PLA2G4A: variants seen among roughly 807,000 people sequenced by gnomAD.
The protein encoded by PLA2G4A is cytosolic phospholipase A2.
PLA2G4A carries 40 observed loss-of-function variants against 81.9 expected under a neutral mutation model. The observed-to-expected ratio is 0.49, with a 90% confidence interval of 0.38 to 0.64. The LOEUF (loss-of-function observed/expected upper bound fraction) is 0.64. Among genes scored for constraint, PLA2G4A ranks in the 30% least tolerant of loss-of-function variants. The pLI is 0.00. For synonymous variants in PLA2G4A, 302 were observed against 296.9 expected (o/e 1.02, Z -0.18); for missense variants, 715 against 905.1 (o/e 0.79, Z 2.69).
chr1:186,884,892 C>A (rs79814399), intron 3 of PLA2G4A, among the ~76,000 whole-genome samples: 14 of 133,754 alleles, frequency 1.0e-4, no homozygotes, highest in Non-Finnish European at 9.6e-5. Flanking sequence ...ATCCTGTCTT[C>A]AAAAAAAAAA....
chr1:186,862,372 G>A (rs1254393947), intron 2 of PLA2G4A, among the ~76,000 whole-genome samples: 4 of 151,840 alleles, frequency 2.6e-5, no homozygotes, highest in East Asian at 1.9e-4. Context: ...GGGCTACCAC[G>A]CTCAGCTACT....
chr1:186,860,292 C>T (rs957156249), intron 2 of PLA2G4A, among the ~76,000 whole-genome samples: 9 of 152,080 alleles, frequency 5.9e-5, no homozygotes, highest in Non-Finnish European at 1.0e-4. Flanking sequence ...AGCAGTCCTA[C>T]GATCTGCCAT....
intron 8 of PLA2G4A, 26 bp downstream of exon 8, chr1:186,932,925 T>C: frequency 6.5e-7 from 1 of 1,535,362 alleles, no homozygotes; most frequent in Non-Finnish European, 9.0e-7. Context: ...TAATTTTAGT[T>C]TTATAACTTT....
At chr1:186,840,883 C>T (rs1464241815) in intron 1 of PLA2G4A, among the ~76,000 whole-genome samples, 1 of 152,170 alleles carries the variant, frequency 6.6e-6, no homozygotes, top group Admixed American at 6.5e-5. Context: ...CTCAACAAAA[C>T]ACAAATACTA....
intron 2 of PLA2G4A, among the ~76,000 whole-genome samples, chr1:186,860,740 C>A (rs1391208664): frequency 4.6e-5 from 7 of 152,176 alleles, no homozygotes; most frequent in Non-Finnish European, 7.3e-5. Context: ...GGCAAAAGTG[C>A]ACTAATTCAA....
At chr1:186,926,256 C>G (rs781325536) in intron 7 of PLA2G4A, among the ~76,000 whole-genome samples, 17 of 152,126 alleles carry the variant, frequency 1.1e-4, no homozygotes, top group Non-Finnish European at 1.8e-4. Flanking sequence ...CATGTTCATA[C>G]GAATGACAGT....
intron 7 of PLA2G4A, among the ~76,000 whole-genome samples, chr1:186,920,340 C>T (rs185903487): frequency 2.0e-5 from 3 of 152,302 alleles, no homozygotes; most frequent in African/African-American, 4.8e-5. Context: ...GTCCCCCCAC[C>T]GAGCAGGTCC....
chr1:186,985,746 G>A (rs998374844), intron 17 of PLA2G4A, among the ~76,000 whole-genome samples: 3 of 152,108 alleles, frequency 2.0e-5, no homozygotes, highest in Non-Finnish European at 4.4e-5. Flanking sequence ...CATGGGATAG[G>A]TGGTGAGGCT....
chr1:186,934,443 CATATATAT>C (rs71571011), intron 8 of PLA2G4A, among the ~76,000 whole-genome samples: 6 of 99,564 alleles, frequency 6.0e-5, no homozygotes, highest in African/African-American at 1.4e-4. Flanking sequence ...TAAATGTGCA[CATATATAT>C]ATATATATAT....
At chr1:186,949,307 AAGAG>A (rs945662305) in intron 12 of PLA2G4A, among the ~76,000 whole-genome samples, 18 of 150,076 alleles carry the variant, frequency 1.2e-4, no homozygotes, top group African/African-American at 4.2e-4. Flanking sequence ...AAAAGAAAGA[AAGAG>A]AAAGAAGGAA....
intron 2 of PLA2G4A, among the ~76,000 whole-genome samples, chr1:186,868,274 C>T (rs747534739): frequency 7.2e-5 from 11 of 151,948 alleles, no homozygotes; most frequent in Admixed American, 4.6e-4. Flanking sequence ...GATGGGGTTT[C>T]ACCATGTTAG....
chr1:186,986,220 T>G (rs1022846370), intron 17 of PLA2G4A, among the ~76,000 whole-genome samples: 12 of 152,244 alleles, frequency 7.9e-5, no homozygotes, highest in Non-Finnish European at 1.8e-4. Flanking sequence ...TAGTTCCTGA[T>G]GTTGATATTG....
chr1:186,919,103 T>G (rs1655253394), intron 7 of PLA2G4A, among the ~76,000 whole-genome samples: 1 of 152,234 alleles, frequency 6.6e-6, no homozygotes, highest in African/African-American at 2.4e-5. Context: ...CTGGTAGTCC[T>G]AGGGCTGGGG....
At chr1:186,919,575 GCCTC>G (rs1157375774) in intron 7 of PLA2G4A, among the ~76,000 whole-genome samples, 2 of 152,174 alleles carry the variant, frequency 1.3e-5, no homozygotes, top group Non-Finnish European at 2.9e-5. Flanking sequence ...TCAAGCCACG[GCCTC>G]CCTGAACATA....
At chr1:186,953,025 T>A (rs1212180095) in intron 13 of PLA2G4A, among the ~76,000 whole-genome samples, 3 of 152,148 alleles carry the variant, frequency 2.0e-5, no homozygotes, top group Non-Finnish European at 4.4e-5. Context: ...GCTAGAAAAA[T>A]CTATGTACAT....
chr1:186,849,417 G>A (rs1357326843), intron 1 of PLA2G4A, among the ~76,000 whole-genome samples: 2 of 152,150 alleles, frequency 1.3e-5, no homozygotes, highest in South Asian at 2.1e-4. Flanking sequence ...TGAAGGTCAC[G>A]GAAGGGTTCT....
At chr1:186,889,171 T>A (rs2102101327) in intron 3 of PLA2G4A, among the ~76,000 whole-genome samples, 1 of 152,276 alleles carries the variant, frequency 6.6e-6, no homozygotes, top group South Asian at 2.1e-4. Flanking sequence ...CACTCAATCT[T>A]TTTGTTCTCT....
intron 1 of PLA2G4A, among the ~76,000 whole-genome samples, chr1:186,838,201 C>T (rs1436380257): frequency 6.6e-6 from 1 of 152,060 alleles, no homozygotes; most frequent in Non-Finnish European, 1.5e-5. Flanking sequence ...TTAAAACTAG[C>T]CTTCCAGGGT....
chr1:186,918,949 C>T (rs902990424), intron 7 of PLA2G4A, among the ~76,000 whole-genome samples: 1 of 152,186 alleles, frequency 6.6e-6, no homozygotes, highest in African/African-American at 2.4e-5. Context: ...GGTCCTTAGA[C>T]ATAGTGGCCA....
Sources: gnomAD v4.1 joint callset for allele counts (sites outside exome capture counted in the v4.1 genomes callset) on GRCh38, gnomAD v4.1.1 for gene constraint, MANE v1.5 for transcripts, NCBI Gene and HGNC (gene_info 2026-07-23, HGNC 2026-07-21) for gene names.